ACACB: variants seen among roughly 807,000 people sequenced by gnomAD.
ACACB encodes acetyl-CoA carboxylase 2.
Under a neutral mutation model 278.8 loss-of-function variants are expected in ACACB, and 209 were observed. The ratio of observed to expected loss-of-function variants is 0.75; its 90% CI spans 0.67 to 0.84. ACACB has a LOEUF of 0.84. ACACB is among the 40% of genes least tolerant of loss of function. The probability of loss-of-function intolerance (pLI) is 0.00; values close to 1 mark genes in which losing one functional copy is unlikely to be tolerated. For missense variants in ACACB, 2,850 were observed against 3,269.0 expected, an observed-to-expected ratio of 0.87 and a Z score of 3.13; for synonymous variants, 1,174 against 1,285.6, an observed-to-expected ratio of 0.91 and a Z score of 1.86.
chr12:109,236,805 C>T (rs2046643677), intron 33 of ACACB, among the ~76,000 whole-genome samples: 2 of 151,752 alleles, frequency 1.3e-5, no homozygotes, highest in African/African-American at 4.8e-5. Context: ...GACCAATTTC[C>T]ACCAAGAAAC....
chr12:109,209,810 C>T (rs1474303823), intron 21 of ACACB, among the ~76,000 whole-genome samples: 1 of 144,750 alleles, frequency 6.9e-6, no homozygotes, highest in Non-Finnish European at 1.5e-5. Flanking sequence ...TATATACACA[C>T]ACATATATAT....
upstream of ACACB, among the ~76,000 whole-genome samples, chr12:109,115,239 A>G (rs1163870414): frequency 6.6e-6 from 1 of 152,198 alleles, no homozygotes; most frequent in Admixed American, 6.5e-5. Flanking sequence ...AAGCTCAGCC[A>G]TTTGCTCAAA....
In ACACB at chr12:109,252,124, A is replaced by G; in HGVS notation, c.5869A>G (p.Ile1957Val). 4 of 1,613,264 alleles carry G rather than the reference A, an allele frequency of 2.5e-6. No homozygotes were observed. The highest frequency in any genetic ancestry group is 3.4e-6 in the Non-Finnish European group (4 of 1,179,704). Residue 1957 changes from isoleucine to valine, a missense_variant, in exon 42 of 53, where the codon ATC becomes GTC. Physicochemically the swap from Ile to Val is conservative, Grantham distance 29 (BLOSUM62 3). Transcript: ENST00000338432. The stretch of plus-strand genomic sequence containing the variant: ...AGTGATCCAGGTGGAGAATTCCCAC[A>G]TCATCCTCACAGGAGCAAGTGCTCT... ...QRVIQVENSHIILTGASALNK... is the reference protein window; with the variant it reads ...QRVIQVENSHVILTGASALNK...
chr12:109,210,346 C>T (rs1056632998), intron 21 of ACACB, among the ~76,000 whole-genome samples: 1 of 94,364 alleles, frequency 1.1e-5, no homozygotes, highest in Admixed American at 1.1e-4. Context: ...TACACGCACA[C>T]ACATATCTGT....
At chr12:109,256,627 C>T (rs1364912616) in intron 45 of ACACB, among the ~76,000 whole-genome samples, 6 of 152,208 alleles carry the variant, frequency 3.9e-5, no homozygotes, top group African/African-American at 1.4e-4. Context: ...TGCATGCTTT[C>T]CAAGCTGGGC....
chr12:109,227,241 C>T (rs2046338706), intron 27 of ACACB, 130 bp from the exon 28 acceptor site: 2 of 820,658 alleles, frequency 2.4e-6, no homozygotes, highest in Admixed American at 2.4e-5. Context: ...TGAGCCACTG[C>T]ACCCGGCCTG....
chr12:109,178,947 A>C (rs2044366914), intron 9 of ACACB, 141 bp from the exon 10 acceptor site: 6 of 799,494 alleles, frequency 7.5e-6, no homozygotes, highest in African/African-American at 1.7e-5. Flanking sequence ...GTGAGACAAC[A>C]AAAGTAAAAG....
At chr12:109,243,897 T>TATATATATATATATATATATA (rs1565965174) in intron 37 of ACACB, among the ~76,000 whole-genome samples, 1 of 147,406 alleles carries the variant, frequency 6.8e-6, no homozygotes, top group African/African-American at 2.5e-5. Context: ...ATATATATAT[T>TATATATATATATATATATATA]TATTTATTTA....
chr12:109,264,072 G>A (rs1319086397), intron 49 of ACACB, 160 bp from the exon 50 acceptor site: 2 of 868,640 alleles, frequency 2.3e-6, no homozygotes, highest in African/African-American at 1.7e-5. Context: ...AGCCTGTGTA[G>A]CAGCAGGGGT....
intron 24 of ACACB, among the ~76,000 whole-genome samples, chr12:109,217,614 C>T (rs1424464010): frequency 6.6e-6 from 1 of 152,066 alleles, no homozygotes; most frequent in East Asian, 1.9e-4. Context: ...GCCTGGGCAA[C>T]ATAGGGAGAC....
chr12:109,209,414 T>A (rs2045616653), intron 21 of ACACB, 61 bp downstream of exon 21: 8 of 1,513,296 alleles, frequency 5.3e-6, no homozygotes, highest in Non-Finnish European at 5.4e-6. Flanking sequence ...CGGCTCCCGG[T>A]CTGGCTCGAT....
At chr12:109,244,109 C>T (rs2046876110) in intron 37 of ACACB, among the ~76,000 whole-genome samples, 1 of 152,026 alleles carries the variant, frequency 6.6e-6, no homozygotes, top group Admixed American at 6.6e-5. Flanking sequence ...GGCTAATATC[C>T]AGAATCTACA....
chr12:109,181,900 A>C (rs1334019509), intron 11 of ACACB, among the ~76,000 whole-genome samples: 2 of 120,058 alleles, frequency 1.7e-5, no homozygotes, highest in African/African-American at 6.4e-5. Context: ...GCTGGAGTAC[A>C]GTGGTGCGAT....
chr12:109,117,975 C>G (rs1421875515), intron 1 of ACACB, among the ~76,000 whole-genome samples: 3 of 152,194 alleles, frequency 2.0e-5, no homozygotes, highest in Admixed American at 1.3e-4. Context: ...GTCTCGATCT[C>G]CTGACCTCAA....
At chr12:109,137,316 T>C (rs190185340) in intron 1 of ACACB, among the ~76,000 whole-genome samples, 4 of 152,190 alleles carry the variant, frequency 2.6e-5, no homozygotes, top group African/African-American at 9.7e-5. Flanking sequence ...CTGGGAAATA[T>C]TGAGAACTTT....
At position 109,258,292 on chromosome 12, in the gene ACACB, G is replaced by A. The variant is rs778555560; in HGVS notation, c.6288G>A (p.Val2096=). The part of the protein sequence containing the change: ...RARLGGIPVG[V]IAVETRTVEV... ...GGCTTGGGGGGATTCCCGTGGGAGT[G>A]ATTGCTGTGGAGACACGGACTGTGG... The change falls in exon 46 of 53, where the codon GTG becomes GTA. Residue 2096 remains valine, a synonymous_variant. Transcript: ENST00000338432. 1.9e-6 allele frequency: 3 copies of A among 1,612,516 alleles called. No homozygotes were observed. The highest frequency in any genetic ancestry group is 2.5e-6 in the Non-Finnish European group (3 of 1,179,826).
intron 29 of ACACB, among the ~76,000 whole-genome samples, chr12:109,233,206 G>A (rs961977546): frequency 1.6e-4 from 24 of 151,800 alleles, no homozygotes; most frequent in African/African-American, 5.8e-4. Context: ...AATTAAATGA[G>A]ATAACATATG....
chr12:109,210,280 C>A (rs1485944108), intron 21 of ACACB, among the ~76,000 whole-genome samples: 2 of 59,746 alleles, frequency 3.3e-5, no homozygotes, highest in Admixed American at 1.5e-4. Flanking sequence ...CATATACACA[C>A]ACATATCTGT....
At chr12:109,259,133 C>A in intron 47 of ACACB, 25 bp downstream of exon 47, 1 of 1,612,066 alleles carries the variant, frequency 6.2e-7, no homozygotes, top group Non-Finnish European at 8.5e-7. Flanking sequence ...GCCTATGTTA[C>A]CCCAAAGCCT....
Sources: allele counts gnomAD v4.1 joint callset (sites outside exome capture counted in the v4.1 genomes callset), GRCh38; gene constraint gnomAD v4.1.1; transcripts MANE v1.5; gene names NCBI Gene and HGNC (gene_info 2026-07-23, HGNC 2026-07-21).